Variants in MDN1 observed in about 807,000 individuals in gnomAD.
The protein encoded by MDN1 is midasin.
MDN1 carries 266 observed loss-of-function variants against 669.2 expected under a neutral mutation model. The observed-to-expected ratio is 0.40, with a 90% CI of 0.36 to 0.44. The LOEUF (loss-of-function observed/expected upper bound fraction) is 0.44. MDN1 is among the 20% of genes least tolerant of loss of function. The pLI, the probability that MDN1 is intolerant of heterozygous loss-of-function variation, is 1.00. For missense variants in MDN1, 5,940 were observed against 6,754.0 expected (o/e 0.88, Z 4.22); for synonymous variants, 2,385 against 2,457.1 (o/e 0.97, Z 0.87).
At chr6:89,720,095 C>T (rs1044506101) in intron 40 of MDN1, among the ~76,000 whole-genome samples, 1 of 151,920 alleles carries the variant, frequency 6.6e-6, no homozygotes, top group Non-Finnish European at 1.5e-5. Context: ...TTGAATACTA[C>T]AATGAAGTTA....
intron 90 of MDN1, among the ~76,000 whole-genome samples, chr6:89,657,368 G>A (rs1584101893): frequency 1.3e-5 from 2 of 152,284 alleles, no homozygotes; most frequent in East Asian, 3.9e-4. Flanking sequence ...AAGTTGTCCA[G>A]AATCACCACT....
chr6:89,788,583 T>C (rs1319826357), intron 7 of MDN1, among the ~76,000 whole-genome samples: 6 of 152,144 alleles, frequency 3.9e-5, no homozygotes, highest in African/African-American at 1.4e-4. Context: ...TAGAGGTAAG[T>C]AATAAAAGGC....
intron 9 of MDN1, among the ~76,000 whole-genome samples, chr6:89,783,810 TAGAA>T (rs1335646379): frequency 3.3e-5 from 5 of 151,852 alleles, no homozygotes; most frequent in Non-Finnish European, 7.4e-5. Flanking sequence ...TTATGGAAAA[TAGAA>T]AGAACCTATG....
At chr6:89,672,178 T>C in intron 82 of MDN1, 22 bp downstream of exon 82, 1 of 1,550,328 alleles carries the variant, frequency 6.5e-7, no homozygotes, top group Non-Finnish European at 8.7e-7. Flanking sequence ...GAGGAAGAAG[T>C]TTGTAAAGAA....
In MDN1 at chr6:89,676,094, C is replaced by A; in HGVS notation, c.12645+8G>T. 1 of 1,612,560 alleles carries A rather than the reference C, an allele frequency of 6.2e-7. No individual in the cohort carries two copies. The highest frequency in any genetic ancestry group is 8.5e-7 in the Non-Finnish European group (1 of 1,178,566). On this transcript the variant is annotated splice_region_variant and intron_variant, in intron 77 of 101. Coordinates refer to ENST00000369393, the MANE Select transcript of MDN1 (RefSeq NM_014611.3). ...AGCCCCTGCAAGACTCATGTTCTATCATTCTACCTTGGCAGGAGTTGCTAG... is the reference window on the plus strand; with the variant it reads ...AGCCCCTGCAAGACTCATGTTCTATAATTCTACCTTGGCAGGAGTTGCTAG...
rs376794422 is a variant in MDN1, at chr6:89,700,818, G to A, written c.8466C>T (p.Val2822=). The A allele has an allele frequency of 1.2e-6, 2 of 1,613,998 alleles. No homozygotes were observed. The highest frequency in any genetic ancestry group is 2.7e-5 in the African/African-American group (2 of 74,896). ...CCCTGATGGCAAGGACTTTGTTAAG[G>A]ACCTTCAGTTGTGAAAAACACTCCA... ...LVVECFSQLK[V]LNKVLAIREQ... The change falls in exon 56 of 102, where the codon GTC becomes GTT. Residue 2822 remains valine (V), a synonymous_variant. Transcript: ENST00000369393.
chr6:89,711,231 C>A (rs949032925), intron 49 of MDN1, among the ~76,000 whole-genome samples: 4 of 152,142 alleles, frequency 2.6e-5, no homozygotes, highest in Non-Finnish European at 5.9e-5. Context: ...GTTGCTTTGT[C>A]CTCTCTTAAA....
Position 89,762,509 on chromosome 6 carries a change from CTTATGG to C in MDN1, c.2160_2165del (p.Asp720_Lys722delinsGlu), listed in dbSNP as rs748587550. On this transcript the variant is annotated inframe_deletion, in exon 16 of 102. Coordinates refer to ENST00000369393, the MANE Select transcript of MDN1 (RefSeq NM_014611.3). ...CCTCCCGTAAGGGTAGCCAAATAAG[CTTATGG>C]TCCACCGGTTTATAACTGAAACAGA... 1 of 1,613,458 alleles carries C rather than the reference CTTATGG, an allele frequency of 6.2e-7. No individual in the cohort carries two copies. The highest frequency in any genetic ancestry group is 1.1e-5 in the South Asian group (1 of 91,040).
At chr6:89,759,082 TACTTTA>T (rs1817404623) in intron 17 of MDN1, 122 bp from the exon 18 acceptor site, 1 of 924,276 alleles carries the variant, frequency 1.1e-6, no homozygotes, top group Non-Finnish European at 1.6e-6. Context: ...GATGGGCCTA[TACTTTA>T]ACTGGCTGAC....
chr6:89,793,538 C>A (rs1198636453), intron 5 of MDN1, among the ~76,000 whole-genome samples: 1 of 152,146 alleles, frequency 6.6e-6, no homozygotes, highest in Non-Finnish European at 1.5e-5. Context: ...CATAGTGAGA[C>A]CCCGTCTCTA....
At chr6:89,728,094 A>G (rs1238378642) in intron 36 of MDN1, 139 bp from the exon 37 acceptor site, 1 of 1,012,950 alleles carries the variant, frequency 9.9e-7, no homozygotes, top group Non-Finnish European at 1.4e-6. Flanking sequence ...AGAACTAACC[A>G]ATCCCAGCTC....
chr6:89,766,445 AAC>A (rs1817806171), intron 15 of MDN1, among the ~76,000 whole-genome samples: 1 of 152,238 alleles, frequency 6.6e-6, no homozygotes, highest in Non-Finnish European at 1.5e-5. Context: ...CTGCAACTGC[AAC>A]ACAAATATTC....
At chr6:89,689,363 T>C (rs1324232145) in intron 65 of MDN1, among the ~76,000 whole-genome samples, 1 of 152,240 alleles carries the variant, frequency 6.6e-6, no homozygotes, top group Non-Finnish European at 1.5e-5. Context: ...CCAGTTTTTA[T>C]ACCTATTCTA....
intron 51 of MDN1, 147 bp downstream of exon 51, chr6:89,708,349 A>T: frequency 1.0e-6 from 1 of 979,494 alleles, no homozygotes; most frequent in Non-Finnish European, 1.5e-6. Context: ...TGATTATCGT[A>T]TGATAAAGGC....
chr6:89,660,693 CTTAT>C (rs746006524), intron 88 of MDN1, among the ~76,000 whole-genome samples: 104 of 152,024 alleles, frequency 6.8e-4, no homozygotes, highest in Non-Finnish European at 1.3e-3. Context: ...AATGGCACCT[CTTAT>C]TTATTCCTTT....
At chr6:89,702,168 G>C in intron 53 of MDN1, 107 bp from the exon 54 acceptor site, 2 of 1,105,934 alleles carry the variant, frequency 1.8e-6, no homozygotes, top group South Asian at 1.8e-5. Flanking sequence ...CCCGGGAAAA[G>C]ACACACAACA....
Position 89,729,125 on chromosome 6 carries a change from T to G in MDN1, c.5155A>C (p.Arg1719=). The change falls in exon 36 of 102, where the codon AGG becomes CGG. Residue 1719 remains arginine (R), a synonymous_variant. Transcript: ENST00000369393. ...FFIPRGPVLH[R]NNIADYALSA... The stretch of plus-strand genomic sequence containing the variant: ...AGTGCATAGTCTGCAATATTATTCC[T>G]GTGTAGGACAGGTCCTTAAGTGGAG... 1.9e-6 allele frequency: 3 copies of G among 1,612,990 alleles called. No homozygotes were observed. The highest frequency in any genetic ancestry group is 2.5e-6 in the Non-Finnish European group (3 of 1,179,868).
At chr6:89,667,968 A>G in intron 84 of MDN1, 46 bp downstream of exon 84, 1 of 1,597,648 alleles carries the variant, frequency 6.3e-7, no homozygotes, top group East Asian at 2.2e-5. Flanking sequence ...TGTTGAAAAG[A>G]AAGAGAGTGA....
Position 89,729,119 on chromosome 6 carries a change from T to C in MDN1, c.5161A>G (p.Asn1721Asp), listed in dbSNP as rs758393065. 1 of 1,613,228 alleles carries C rather than the reference T, an allele frequency of 6.2e-7. No homozygotes were observed. The highest frequency in any genetic ancestry group is 2.2e-5 in the East Asian group (1 of 44,868). Residue 1721 changes from asparagine to aspartate, a missense_variant, in exon 36 of 102, where the codon AAT becomes GAT. By Grantham distance (23) the Asn-to-Asp change is conservative. Around this residue, in one of 5 missense-constraint regions of MDN1, gnomAD observed 2,292 missense variants for 2,638.3 expected, o/e 0.87. Coordinates refer to ENST00000369393, the MANE Select transcript of MDN1 (RefSeq NM_014611.3). ...IPRGPVLHRN[N>D]IADYALSAGT... The stretch of plus-strand genomic sequence containing the variant: ...GCACTGAGTGCATAGTCTGCAATAT[T>C]ATTCCTGTGTAGGACAGGTCCTTAA...
Sources: gnomAD v4.1 joint callset for allele counts (sites outside exome capture counted in the v4.1 genomes callset) on GRCh38, gnomAD v4.1.1 for gene constraint, gnomAD v4.1.1 regional missense constraint, MANE v1.5 for transcripts, NCBI Gene and HGNC (gene_info 2026-07-23, HGNC 2026-07-21) for gene names.